Variants in FBLN1 observed in about 807,000 individuals in gnomAD.
The protein encoded by FBLN1 is fibulin-1.
A neutral mutation model predicts 89.7 loss-of-function variants in FBLN1; 34 were observed. The observed-to-expected ratio is 0.38, with a 90% CI of 0.29 to 0.50. FBLN1 has a LOEUF of 0.50. FBLN1 is among the 20% of genes least tolerant of loss of function. The pLI, the probability that FBLN1 is intolerant of heterozygous loss-of-function variation, is 0.92. For synonymous variants in FBLN1, 393 were observed against 391.3 expected (o/e 1.00, Z -0.05); for missense variants, 777 against 988.1 (o/e 0.79, Z 2.86).
intron 1 of FBLN1, 148 bp from the exon 2 acceptor site, chr22:45,518,534 C>T: frequency 1.5e-6 from 1 of 679,716 alleles, no homozygotes; most frequent in Admixed American, 2.1e-5. Context: ...GTTTTCAGTA[C>T]TGGTTTGCAG....
chr22:45,594,810 T>A (rs1364222509), intron 16 of FBLN1, among the ~76,000 whole-genome samples: 1 of 148,766 alleles, frequency 6.7e-6, no homozygotes, highest in Non-Finnish European at 1.5e-5. Context: ...GGATGGATGG[T>A]TGGATCCATG....
intron 16 of FBLN1, among the ~76,000 whole-genome samples, chr22:45,587,926 C>G (rs2089102477): frequency 6.6e-6 from 1 of 152,180 alleles, no homozygotes; most frequent in South Asian, 2.1e-4. Context: ...AGATGAGCCC[C>G]TTTTGCAACT....
intron 16 of FBLN1, among the ~76,000 whole-genome samples, chr22:45,582,073 A>C (rs1169988124): frequency 6.6e-6 from 1 of 152,210 alleles, no homozygotes; most frequent in Non-Finnish European, 1.5e-5. Flanking sequence ...CCCACTCAGC[A>C]GGTAAGAAGA....
At position 45,537,382 on chromosome 22, in the gene FBLN1, G is replaced by GAT. The variant is rs1205480738; in HGVS notation, c.922+2045_922+2046insAT. The stretch of plus-strand genomic sequence containing the variant: ...GCCTGTAATTCTGGTACTTTGGGAG[G>GAT]CCAAGGCGGGTGGATCACTTGAGGT... On this transcript the variant is annotated intron_variant, in intron 8 of 16. Coordinates refer to ENST00000327858, the MANE Select transcript of FBLN1 (RefSeq NM_006486.3). This position sits in a 1 kb window ranked among gnomAD's most constrained non-coding sequence, Gnocchi z 5.7. Among the ~76,000 whole-genome samples, 2 of 152,170 alleles carry GAT rather than the reference G, an allele frequency of 1.3e-5. No individual in the cohort carries two copies. The highest frequency in any genetic ancestry group is 2.9e-5 in the Non-Finnish European group (2 of 68,030).
At chr22:45,523,529 C>T (rs2088279374) in intron 2 of FBLN1, among the ~76,000 whole-genome samples, 2 of 152,280 alleles carry the variant, frequency 1.3e-5, no homozygotes, top group Non-Finnish European at 2.9e-5. Context: ...ATGGCAAGAT[C>T]TCATCTCTAC....
chr22:45,598,093 G>C (rs899415565), intron 16 of FBLN1, among the ~76,000 whole-genome samples: 1 of 152,210 alleles, frequency 6.6e-6, no homozygotes, highest in African/African-American at 2.4e-5. Flanking sequence ...ACAGAATCCA[G>C]CCTGGAATCA....
rs956103792 is a variant in FBLN1, at chr22:45,549,163, G to A, written c.1573+419G>A. On this transcript the variant is annotated intron_variant, in intron 13 of 16. Transcript: ENST00000327858. This position sits in a 1 kb window ranked among gnomAD's most constrained non-coding sequence, Gnocchi z 5.7. ...ATGGCTATGGGTCAGCTCCAGCATC[G>A]GCTAAGTAATGGTGGCCAATGGCAT... 5.9e-5 allele frequency among the ~76,000 whole-genome samples: 9 copies of A among 152,222 alleles called. No individual in the cohort carries two copies. The East Asian group carries it at 9.6e-4, about 16-fold the overall frequency.
chr22:45,518,822 A>C, intron 2 of FBLN1, 35 bp downstream of exon 2: 1 of 1,533,130 alleles, frequency 6.5e-7, no homozygotes, highest in South Asian at 1.2e-5. Flanking sequence ...TCACTGGAAC[A>C]ATGTTCCTTT....
intron 2 of FBLN1, chr22:45,523,178 A>G (rs1229076268): frequency 2.6e-6 from 2 of 778,652 alleles, no homozygotes; most frequent in African/African-American, 1.7e-5. Flanking sequence ...CCGAGGGAAC[A>G]GCCAGCGCAA....
chr22:45,558,719 G>C (rs889878364), intron 14 of FBLN1: 6 of 152,698 alleles, frequency 3.9e-5, no homozygotes, highest in Non-Finnish European at 1.5e-5. Flanking sequence ...CCCACTAGGC[G>C]TTGTGTCTCT....
At position 45,601,096 on chromosome 22, in the gene FBLN1, C is replaced by T. The variant is rs1051106; in HGVS notation, c.*650C>T. Reference sequence around the variant, plus strand: ...CGGCACTCTGCATCATCCATCTTTTCTTATAGGTGGGAAAATAAACAACTT... The same window carrying T: ...CGGCACTCTGCATCATCCATCTTTTTTTATAGGTGGGAAAATAAACAACTT... On this transcript the variant is annotated 3_prime_UTR_variant, in exon 17 of 17. Coordinates refer to ENST00000327858, the MANE Select transcript of FBLN1 (RefSeq NM_006486.3). The T allele has an allele frequency of 6.4e-6, 1 of 156,350 alleles. No individual in the cohort carries two copies. Among genetic ancestry groups the T allele is most frequent in the Non-Finnish European group, 1.4e-5 (1 of 70,770 alleles). 9.7% of individuals were successfully genotyped at this position (156,350 alleles called of 1,614,324 possible).
chr22:45,515,726 C>T (rs1437157433), intron 1 of FBLN1, among the ~76,000 whole-genome samples: 1 of 152,194 alleles, frequency 6.6e-6, no homozygotes. Flanking sequence ...TTACAGAGAA[C>T]TTTCTGTGTG....
chr22:45,583,307 G>A lies in FBLN1; in HGVS notation c.1972+6199G>A, dbSNP rs1311807917. On this transcript the variant is annotated intron_variant, in intron 16 of 16. Coordinates refer to ENST00000327858, the MANE Select transcript of FBLN1 (RefSeq NM_006486.3). The surrounding 1 kb of genome is among the most constrained non-coding windows in gnomAD (Gnocchi z 4.5). ...GAAGGGTTTGGGTCCTCAGCTCCTG[G>A]CCGGGGCAAGTCTGGCCAAGCAGCA... 6.6e-6 allele frequency among the ~76,000 whole-genome samples: 1 copy of A among 152,162 alleles called. No individual in the cohort carries two copies. Among genetic ancestry groups the A allele is most frequent in the African/African-American group, 2.4e-5 (1 of 41,450 alleles).
chr22:45,508,286 C>CTTTTTTTTTTTTT (rs1350335831), intron 1 of FBLN1, among the ~76,000 whole-genome samples: 5,499 of 128,650 alleles, frequency 0.043, 562 homozygotes, highest in African/African-American at 0.15. Flanking sequence ...CCTCGCGTAT[C>CTTTTTTTTTTTTT]TTTTTTTTTG....
chr22:45,587,769 T>C (rs1034758839), intron 16 of FBLN1, among the ~76,000 whole-genome samples: 1 of 152,218 alleles, frequency 6.6e-6, no homozygotes, highest in Non-Finnish European at 1.5e-5. Flanking sequence ...TCTCCTGGAC[T>C]GTAGCCGTGA....
chr22:45,593,467 C>A (rs988172548), intron 16 of FBLN1, among the ~76,000 whole-genome samples: 1 of 152,186 alleles, frequency 6.6e-6, no homozygotes. Flanking sequence ...GGCACAGACA[C>A]GCCAAGGGAT....
intron 1 of FBLN1, among the ~76,000 whole-genome samples, chr22:45,507,773 CT>C (rs2088042501): frequency 6.6e-6 from 1 of 152,160 alleles, no homozygotes; most frequent in Admixed American, 6.5e-5. Context: ...AGTGATCCAC[CT>C]GTCTCGGCCT....
intron 14 of FBLN1, chr22:45,558,128 G>C (rs1302575367): frequency 1.4e-6 from 1 of 715,818 alleles, no homozygotes; most frequent in Non-Finnish European, 2.6e-6. Flanking sequence ...GAGAAGGCAA[G>C]TTGGCAGGAG....
intron 2 of FBLN1, among the ~76,000 whole-genome samples, chr22:45,523,766 A>G (rs2283662): frequency 0.4 from 61,152 of 152,104 alleles, 12,963 homozygotes; most frequent in East Asian, 0.65. Flanking sequence ...GTGTGCAAGT[A>G]TCTGTTTGAA....
Sources: allele counts gnomAD v4.1 joint callset (sites outside exome capture counted in the v4.1 genomes callset), GRCh38; gene constraint gnomAD v4.1.1; non-coding constraint Gnocchi (gnomAD v3.1); transcripts MANE v1.5; gene names NCBI Gene and HGNC (gene_info 2026-07-23, HGNC 2026-07-21).